PLAA: variants seen among roughly 807,000 people sequenced by gnomAD.
The protein encoded by PLAA is phospholipase A-2-activating protein.
A neutral mutation model predicts 84.1 loss-of-function variants in PLAA; 48 were observed. That is an observed-to-expected ratio of 0.57 (90% CI 0.45 to 0.73). The LOEUF is 0.73. Among genes scored for constraint, PLAA ranks in the 30% least tolerant of loss-of-function variants. The probability of loss-of-function intolerance (pLI) is 0.00; values close to 1 mark genes in which losing one functional copy is unlikely to be tolerated. For synonymous variants in PLAA, 392 were observed against 336.6 expected, an observed-to-expected ratio of 1.16 and a Z score of -1.80; for missense variants, 903 against 954.7, an observed-to-expected ratio of 0.95 and a Z score of 0.71.
At chr9:26,927,429 T>C (rs527586274) in intron 4 of PLAA, among the ~76,000 whole-genome samples, 1 of 152,274 alleles carries the variant, frequency 6.6e-6, no homozygotes, top group Non-Finnish European at 1.5e-5. Flanking sequence ...AGCCAAAAGA[T>C]ACTTTTATCT....
intron 9 of PLAA, among the ~76,000 whole-genome samples, chr9:26,918,344 G>C (rs1161627560): frequency 2.0e-5 from 3 of 147,706 alleles, no homozygotes; most frequent in Admixed American, 1.4e-4. Flanking sequence ...TGGCCAGACT[G>C]GTCTTGAACT....
At chr9:26,908,233 T>A (rs1824298067) in intron 12 of PLAA, among the ~76,000 whole-genome samples, 1 of 149,428 alleles carries the variant, frequency 6.7e-6, no homozygotes, top group African/African-American at 2.5e-5. Flanking sequence ...AGTGGCGCCA[T>A]CTTGGCTCAC....
intron 2 of PLAA, 140 bp downstream of exon 2, chr9:26,934,873 C>A (rs1587184741): frequency 6.4e-6 from 4 of 621,502 alleles, no homozygotes; most frequent in Non-Finnish European, 8.1e-6. Flanking sequence ...ACTAAGATAG[C>A]CCAAAAGCGT....
intron 1 of PLAA, among the ~76,000 whole-genome samples, chr9:26,939,832 T>C (rs1173810698): frequency 6.6e-6 from 1 of 152,006 alleles, no homozygotes; most frequent in Non-Finnish European, 1.5e-5. Flanking sequence ...TAATAAAAAG[T>C]TCGGTACAGG....
chr9:26,927,048 T>G (rs574951936), intron 4 of PLAA, among the ~76,000 whole-genome samples: 1 of 151,976 alleles, frequency 6.6e-6, no homozygotes, highest in African/African-American at 2.4e-5. Flanking sequence ...TACATATATA[T>G]AGACTATATA....
At position 26,903,924 on chromosome 9, in the gene PLAA, G is replaced by C. The variant is rs1824154140; in HGVS notation, c.*1587C>G. Among the ~76,000 whole-genome samples the C allele has an allele frequency of 6.6e-6, 1 of 152,110 alleles. No individual in the cohort carries two copies. Among genetic ancestry groups the C allele is most frequent in the African/African-American group, 2.4e-5 (1 of 41,442 alleles). ...TTGCAATTAAATTATTTGTACTTAA[G>C]AAAGCAGTGTATTGTAAAGGAACCA... On this transcript the variant is annotated 3_prime_UTR_variant, in exon 14 of 14. Transcript: ENST00000397292.
intron 1 of PLAA, among the ~76,000 whole-genome samples, chr9:26,943,538 G>A (rs1392256542): frequency 1.3e-5 from 2 of 152,038 alleles, no homozygotes; most frequent in African/African-American, 4.8e-5. Flanking sequence ...TTGAATCAGT[G>A]GTACTGATTC....
chr9:26,907,745 CA>C (rs1430856127), intron 13 of PLAA, 88 bp downstream of exon 13: 1 of 1,180,612 alleles, frequency 8.5e-7, no homozygotes, highest in Admixed American at 2.4e-5. Context: ...AGTTAACTTT[CA>C]TTTAATCCAC....
chr9:26,909,307 T>C (rs765667987), intron 12 of PLAA, among the ~76,000 whole-genome samples: 8 of 152,210 alleles, frequency 5.3e-5, no homozygotes, highest in Admixed American at 2.0e-4. Context: ...AAAGTCTAAA[T>C]ACCTGTTAGA....
At chr9:26,938,451 C>CT (rs942398056) in intron 1 of PLAA, among the ~76,000 whole-genome samples, 1 of 151,182 alleles carries the variant, frequency 6.6e-6, no homozygotes, top group African/African-American at 2.4e-5. Context: ...ACTTGGGAGG[C>CT]TAAGGCGAGA....
chr9:26,905,252 G>T lies in PLAA; in HGVS notation c.*259C>A. 4.9e-6 allele frequency: 2 copies of T among 410,688 alleles called. No homozygotes were observed. Among genetic ancestry groups the T allele is most frequent in the Non-Finnish European group, 8.7e-6 (2 of 229,258 alleles). 25.4% of individuals were successfully genotyped at this position (410,688 alleles called of 1,614,324 possible). Reference sequence around the variant, plus strand: ...GCTAAGGTAAGGGGAAGATGTCATTGTCATTGTGTTGTTGCTGATTATAGC... The same window carrying T: ...GCTAAGGTAAGGGGAAGATGTCATTTTCATTGTGTTGTTGCTGATTATAGC... On this transcript the variant is annotated 3_prime_UTR_variant, in exon 14 of 14. Coordinates refer to ENST00000397292, the MANE Select transcript of PLAA (RefSeq NM_001031689.3).
intron 12 of PLAA, among the ~76,000 whole-genome samples, chr9:26,909,637 T>A (rs12002995): frequency 0.069 from 10,427 of 151,558 alleles, 504 homozygotes; most frequent in African/African-American, 0.14. Flanking sequence ...TTTTTTCTCC[T>A]TGAGATGGAG....
Position 26,946,921 on chromosome 9 carries a change from G to T in PLAA, c.125C>A (p.Thr42Asn). The change falls in exon 1 of 14, where the codon ACC (threonine) becomes AAC (asparagine). Residue 42 changes from threonine (T) to asparagine (N), a missense_variant. Coordinates refer to ENST00000397292, the MANE Select transcript of PLAA (RefSeq NM_001031689.3). ...GAFVSVSRDRTTRLWAPDSPN... is the reference protein window; with the variant it reads ...GAFVSVSRDRNTRLWAPDSPN... ...CCTGTCTGGGGCCCAGAGGCGGGTGGTGCGGTCTCGGGACACGGACACAAA... is the reference window on the plus strand; with the variant it reads ...CCTGTCTGGGGCCCAGAGGCGGGTGTTGCGGTCTCGGGACACGGACACAAA... 1 of 1,578,426 alleles carries T rather than the reference G, an allele frequency of 6.3e-7. No individual in the cohort carries two copies. The highest frequency in any genetic ancestry group is 8.6e-7 in the Non-Finnish European group (1 of 1,161,782).
chr9:26,930,198 G>A lies in PLAA; in HGVS notation c.344-1790C>T, dbSNP rs551048775. ...CGGCTCACCGCAAGCTCTGCCTCCCGGGTTCACGCCATTCTCCTGCCTCAG... is the reference window on the plus strand; with the variant it reads ...CGGCTCACCGCAAGCTCTGCCTCCCAGGTTCACGCCATTCTCCTGCCTCAG... On this transcript the variant is annotated intron_variant, in intron 2 of 13. Coordinates refer to ENST00000397292, the MANE Select transcript of PLAA (RefSeq NM_001031689.3). Among the ~76,000 whole-genome samples the A allele has an allele frequency of 2.4e-3, 353 of 149,998 alleles. 1 individual carries two copies. Among genetic ancestry groups the A allele is most frequent in the Non-Finnish European group, 3.9e-3 (262 of 67,558 alleles).
Position 26,920,283 on chromosome 9 carries a change from C to A in PLAA, c.1141G>T (p.Val381Phe), listed in dbSNP as rs1315876197. Residue 381 changes from valine to phenylalanine, a missense_variant, in exon 8 of 14, where the codon GTT becomes TTT. Transcript: ENST00000397292. The stretch of plus-strand genomic sequence containing the variant: ...TGCTGATTAGCACCAGATGAGCCAA[C>A]AACATCACCAATTTTTATCCACCTC... ...EGRWIKIGDV[V>F]GSSGANQQTS... is the part of the protein sequence containing the mutation. 1 of 1,613,888 alleles carries A rather than the reference C, an allele frequency of 6.2e-7. No homozygotes were observed. The highest frequency in any genetic ancestry group is 8.5e-7 in the Non-Finnish European group (1 of 1,179,862).
chr9:26,943,925 G>C (rs964106663), intron 1 of PLAA, among the ~76,000 whole-genome samples: 4 of 152,158 alleles, frequency 2.6e-5, no homozygotes, highest in Non-Finnish European at 4.4e-5. Context: ...TTGCATTCCA[G>C]CCTGGGCAAC....
intron 11 of PLAA, among the ~76,000 whole-genome samples, chr9:26,910,968 T>G (rs1298259576): frequency 6.6e-6 from 1 of 152,252 alleles, no homozygotes; most frequent in African/African-American, 2.4e-5. Flanking sequence ...TAGTAGGTAT[T>G]ATCATTTTCT....
chr9:26,925,995 A>G (rs1717245034), intron 5 of PLAA, 35 bp from the exon 6 acceptor site: 2 of 1,566,912 alleles, frequency 1.3e-6, no homozygotes, highest in Non-Finnish European at 1.8e-6. Context: ...ATTAGTTTGA[A>G]TAAAATTAAG....
Position 26,913,914 on chromosome 9 carries a change from A to G in PLAA, c.1520T>C (p.Met507Thr), listed in dbSNP as rs767391236. ...ATCAACTCCGGCCATGGTAGTTCCC[A>G]TACTTGCAGAACCTGGTACATAACG... ...AGRYVPGSAS[M>T]GTTMAGVDPF... Residue 507 changes from methionine (M) to threonine (T), a missense_variant, in exon 11 of 14, where the codon ATG (methionine) becomes ACG (threonine). Met to Thr is a moderately conservative substitution (Grantham distance 81). Transcript: ENST00000397292. The G allele has an allele frequency of 4.3e-6, 7 of 1,612,556 alleles. No homozygotes were observed. The East Asian group carries it at 1.1e-4, about 26-fold the overall frequency.
Sources: gnomAD v4.1 joint callset for allele counts (sites outside exome capture counted in the v4.1 genomes callset) on GRCh38, gnomAD v4.1.1 for gene constraint, MANE v1.5 for transcripts, NCBI Gene and HGNC (gene_info 2026-07-23, HGNC 2026-07-21) for gene names.